The following SGMS1 variants were observed in gnomAD, a reference collection of about 807,000 sequenced individuals.
SGMS1 encodes sphingomyelin synthase 1, also known as phosphatidylcholine:ceramide cholinephosphotransferase 1.
A neutral mutation model predicts 46.2 loss-of-function variants in SGMS1; 13 were observed. That is an observed-to-expected ratio of 0.28 (90% confidence interval 0.18 to 0.45). The LOEUF (loss-of-function observed/expected upper bound fraction) is 0.45. Ranked by LOEUF, SGMS1 falls within the 20% of genes least tolerant of loss-of-function variation. SGMS1 has a pLI of 1.00. For synonymous variants in SGMS1, 203 were observed against 187.8 expected (o/e 1.08, Z -0.66); for missense variants, 324 against 519.9 (o/e 0.62, Z 3.66).
At chr10:50,615,752 C>A (rs1050636399) in intron 1 of SGMS1, among the ~76,000 whole-genome samples, 1 of 152,200 alleles carries the variant, frequency 6.6e-6, no homozygotes, top group Non-Finnish European at 1.5e-5. Flanking sequence ...GTTTCTCCAG[C>A]GCCTTCTCCC....
At chr10:50,317,539 A>G (rs1376667339) in intron 8 of SGMS1, among the ~76,000 whole-genome samples, 5 of 152,182 alleles carry the variant, frequency 3.3e-5, no homozygotes, top group African/African-American at 1.2e-4. Context: ...TCTTGCCTTT[A>G]GGTCCCTGGA....
Position 50,357,938 on chromosome 10 carries a change from C to A in SGMS1, c.-231-13593G>T, listed in dbSNP as rs115126428. 3.7e-3 allele frequency among the ~76,000 whole-genome samples: 568 copies of A among 152,236 alleles called. 3 individuals are homozygous for A. The highest frequency in any genetic ancestry group is 0.013 in the African/African-American group (545 of 41,544). Reference sequence around the variant, plus strand: ...GATGAAAGTCCTACATGCGTAGTCTCTTAGACTTATAGTGAACCAAACTTT... The same window carrying A: ...GATGAAAGTCCTACATGCGTAGTCTATTAGACTTATAGTGAACCAAACTTT... On this transcript the variant is annotated intron_variant, in intron 6 of 10. Transcript: ENST00000361781.
At chr10:50,575,351 C>A (rs766053946) in intron 2 of SGMS1, among the ~76,000 whole-genome samples, 1 of 151,926 alleles carries the variant, frequency 6.6e-6, no homozygotes, top group Non-Finnish European at 1.5e-5. Flanking sequence ...GCCAGGAGTT[C>A]GAGACCAGCC....
At chr10:50,422,591 A>G (rs1221619454) in intron 6 of SGMS1, among the ~76,000 whole-genome samples, 1 of 152,218 alleles carries the variant, frequency 6.6e-6, no homozygotes, top group African/African-American at 2.4e-5. Flanking sequence ...CTTCCCTTTC[A>G]AGTAAGGAAC....
chr10:50,410,305 C>G (rs1359578036), intron 6 of SGMS1, among the ~76,000 whole-genome samples: 1 of 152,128 alleles, frequency 6.6e-6, no homozygotes, highest in Non-Finnish European at 1.5e-5. Flanking sequence ...ACAAGCAAAC[C>G]TGGGGAAGCC....
At chr10:50,429,730 CACACACACACAT>C (rs1429125089) in intron 6 of SGMS1, among the ~76,000 whole-genome samples, 1,295 of 21,176 alleles carry the variant, frequency 0.061, 16 homozygotes, top group East Asian at 0.096. Context: ...CACACACACA[CACACACACACAT>C]ACTCTTTTCT....
At position 50,365,905 on chromosome 10, in the gene SGMS1, C is replaced by G. The variant is rs1030759817; in HGVS notation, c.-231-21560G>C. Reference sequence around the variant, plus strand: ...CTGCAATAAACATGTGTGCATGTGTCTTTATACTAGAATGATTTATATTCC... The same window carrying G: ...CTGCAATAAACATGTGTGCATGTGTGTTTATACTAGAATGATTTATATTCC... On this transcript the variant is annotated intron_variant, in intron 6 of 10. Transcript: ENST00000361781. Among the ~76,000 whole-genome samples, 4 of 152,194 alleles carry G rather than the reference C, an allele frequency of 2.6e-5. No homozygotes were observed. In the East Asian group the frequency reaches 5.8e-4, roughly 22 times the overall value.
At chr10:50,429,466 G>T (rs1849370832) in intron 6 of SGMS1, among the ~76,000 whole-genome samples, 1 of 152,044 alleles carries the variant, frequency 6.6e-6, no homozygotes, top group Non-Finnish European at 1.5e-5. Context: ...CAACAATATT[G>T]CCTGAGGACA....
At chr10:50,359,233 T>A (rs1848206506) in intron 6 of SGMS1, among the ~76,000 whole-genome samples, 1 of 152,242 alleles carries the variant, frequency 6.6e-6, no homozygotes, top group African/African-American at 2.4e-5. Flanking sequence ...CCTTACTTAA[T>A]GACATCTTTT....
At chr10:50,311,126 T>G in intron 9 of SGMS1, 136 bp downstream of exon 9, 97 of 980,388 alleles carry the variant, frequency 9.9e-5, no homozygotes, top group Non-Finnish European at 1.3e-4. Context: ...TGCATGGCGA[T>G]GAGATGAAGC....
intron 3 of SGMS1, among the ~76,000 whole-genome samples, chr10:50,496,971 T>A (rs1307878461): frequency 1.3e-5 from 2 of 152,202 alleles, no homozygotes. Context: ...CTGTTTGGTC[T>A]CCCTAATTCC....
intron 8 of SGMS1, among the ~76,000 whole-genome samples, chr10:50,321,198 T>A (rs981386119): frequency 6.6e-6 from 1 of 152,128 alleles, no homozygotes; most frequent in Non-Finnish European, 1.5e-5. Context: ...AATTCATACA[T>A]CAAATGTTAA....
intron 2 of SGMS1, among the ~76,000 whole-genome samples, chr10:50,569,963 C>T (rs559477513): frequency 1.8e-4 from 27 of 152,308 alleles, no homozygotes; most frequent in African/African-American, 6.3e-4. Flanking sequence ...TGTGGTTAAT[C>T]TTCTCCCTTG....
chr10:50,614,930 G>A (rs1334403388), intron 1 of SGMS1, among the ~76,000 whole-genome samples: 7 of 152,222 alleles, frequency 4.6e-5, no homozygotes, highest in Non-Finnish European at 8.8e-5. Flanking sequence ...ATTGGGTCAA[G>A]GACTTAGAAA....
chr10:50,512,686 C>G (rs573323233), intron 3 of SGMS1, among the ~76,000 whole-genome samples: 2 of 152,328 alleles, frequency 1.3e-5, no homozygotes, highest in Admixed American at 1.3e-4. Flanking sequence ...AATTGAGCTT[C>G]CACATGTAGA....
At chr10:50,471,906 C>T (rs372990434) in intron 3 of SGMS1, among the ~76,000 whole-genome samples, 8 of 152,220 alleles carry the variant, frequency 5.3e-5, no homozygotes, top group African/African-American at 1.7e-4. Flanking sequence ...AGCTTCTTCG[C>T]GGGCAAGAGC....
chr10:50,520,445 T>G (rs1454637118), intron 2 of SGMS1, among the ~76,000 whole-genome samples: 1 of 152,200 alleles, frequency 6.6e-6, no homozygotes, highest in East Asian at 1.9e-4. Flanking sequence ...ATCATTATTA[T>G]TTACAAAGAG....
At chr10:50,391,105 C>A (rs1308916591) in intron 6 of SGMS1, among the ~76,000 whole-genome samples, 4 of 152,190 alleles carry the variant, frequency 2.6e-5, no homozygotes, top group African/African-American at 9.7e-5. Flanking sequence ...ATTTTCCAAA[C>A]AAAAGACAAA....
rs368605725 is a variant in SGMS1 at position 50,539,801 on chromosome 10, A to G, written c.-588-19880T>C. Among the ~76,000 whole-genome samples, 101 of 152,350 alleles carry G rather than the reference A, an allele frequency of 6.6e-4. No individual in the cohort carries two copies. In the East Asian group the frequency reaches 0.012, roughly 18 times the overall value. The stretch of plus-strand genomic sequence containing the variant: ...TGGATCTTTCACTAGCAAAATAAAC[A>G]TTAAGTAAAAGTCCAATGGAAACAA... On this transcript the variant is annotated intron_variant, in intron 2 of 10. Transcript: ENST00000361781.
Sources: allele counts gnomAD v4.1 joint callset (sites outside exome capture counted in the v4.1 genomes callset), GRCh38; gene constraint gnomAD v4.1.1; transcripts MANE v1.5; gene names NCBI Gene and HGNC (gene_info 2026-07-23, HGNC 2026-07-21).